The following GRAMD1A variants were observed in gnomAD, a reference collection of about 807,000 sequenced individuals.
The protein encoded by GRAMD1A is protein Aster-A.
A neutral mutation model predicts 92.0 loss-of-function variants in GRAMD1A; 50 were observed. The observed-to-expected ratio is 0.54, with a 90% confidence interval of 0.43 to 0.69. GRAMD1A has a LOEUF of 0.69. GRAMD1A is among the 30% of genes least tolerant of loss of function. The probability of loss-of-function intolerance (pLI) is 0.00; values close to 1 mark genes in which losing one functional copy is unlikely to be tolerated. For missense variants in GRAMD1A, 819 were observed against 978.9 expected, an observed-to-expected ratio of 0.84 and a Z score of 2.18; for synonymous variants, 405 against 403.6, an observed-to-expected ratio of 1.00 and a Z score of -0.04.
chr19:35,000,332 G>T lies in GRAMD1A; in HGVS notation c.-147G>T. 5 of 1,065,088 alleles carry T rather than the reference G, an allele frequency of 4.7e-6. No homozygotes were observed. The highest frequency in any genetic ancestry group is 5.7e-6 in the Non-Finnish European group (5 of 883,012). 66.0% of individuals were successfully genotyped at this position (1,065,088 alleles called of 1,614,324 possible). On this transcript the variant is annotated 5_prime_UTR_variant, in exon 1 of 20. Coordinates refer to ENST00000317991, the MANE Select transcript of GRAMD1A (RefSeq NM_020895.5). This position sits in a 1 kb window ranked among gnomAD's most constrained non-coding sequence, Gnocchi z 4.9. ...CTCCGGCGGCTCCGGCCTTTTGTGCGGGCGGTTGGGTCGGGTGGGGGCGGC... is the reference window on the plus strand; with the variant it reads ...CTCCGGCGGCTCCGGCCTTTTGTGCTGGCGGTTGGGTCGGGTGGGGGCGGC...
upstream of GRAMD1A, chr19:34,995,932 G>A: frequency 3.6e-6 from 4 of 1,122,764 alleles, no homozygotes; most frequent in South Asian, 1.6e-5. Flanking sequence ...GAGCCACGGG[G>A]GAAGGTGGTA....
chr19:35,012,623 C>G (rs1430915818), intron 7 of GRAMD1A, among the ~76,000 whole-genome samples: 1 of 152,246 alleles, frequency 6.6e-6, no homozygotes, highest in Non-Finnish European at 1.5e-5. Context: ...GAACACATGA[C>G]TTTCCCTACA....
chr19:35,011,907 C>T (rs568789803), intron 7 of GRAMD1A, among the ~76,000 whole-genome samples: 3 of 152,328 alleles, frequency 2.0e-5, no homozygotes, highest in African/African-American at 7.2e-5. Flanking sequence ...CCAGCCCCAT[C>T]CTCCGGCTGA....
rs374571401 is a variant in GRAMD1A at position 35,014,495 on chromosome 19, C to T, written c.1069+108C>T. 2.1e-4 allele frequency: 203 copies of T among 951,076 alleles called. No homozygotes were observed. The highest frequency in any genetic ancestry group is 9.3e-4 in the African/African-American group (57 of 61,414). The allele number at this position is 951,076 out of a possible 1,614,324, so 58.9% of individuals were successfully genotyped here. Reference sequence around the variant, plus strand: ...GCAGCACTGAGAATCCAGGGGCAGGCGGGATGGCGTTCAGGCGCTGTTGCT... The same window carrying T: ...GCAGCACTGAGAATCCAGGGGCAGGTGGGATGGCGTTCAGGCGCTGTTGCT... On this transcript the variant is annotated intron_variant, in intron 10 of 19. Transcript: ENST00000317991.
chr19:35,020,716 C>T (rs562879903), intron 13 of GRAMD1A, among the ~76,000 whole-genome samples: 65 of 147,730 alleles, frequency 4.4e-4, no homozygotes, highest in African/African-American at 1.5e-3. Flanking sequence ...GAAGACTTGA[C>T]TTTACCTGGA....
chr19:34,998,283 T>G (rs1478527393), upstream of GRAMD1A: 1 of 149,878 alleles, frequency 6.7e-6, no homozygotes, highest in African/African-American at 2.5e-5. Context: ...CATAGAGGAC[T>G]GTTATATTTT....
chr19:35,005,855 A>C (rs2014773762), intron 1 of GRAMD1A: 2 of 456,066 alleles, frequency 4.4e-6, no homozygotes, highest in Admixed American at 4.7e-5. Flanking sequence ...CAAAGTCCTG[A>C]AGGACAAATA....
chr19:35,014,365 C>T lies in GRAMD1A; in HGVS notation c.1047C>T (p.Ser349=). The T allele has an allele frequency of 6.2e-7, 1 of 1,614,148 alleles. No individual in the cohort carries two copies. Among genetic ancestry groups the T allele is most frequent in the Non-Finnish European group, 8.5e-7 (1 of 1,180,000 alleles). Reference sequence around the variant, plus strand: ...AGCTATTGACAGACACAAGTAACTCCTCTTCATCCACTGGGGAGGAAGGTG... The same window carrying T: ...AGCTATTGACAGACACAAGTAACTCTTCTTCATCCACTGGGGAGGAAGGTG... The part of the protein sequence containing the change: ...SEELLTDTSN[S]SSSTGEEADL... Residue 349 remains serine, a synonymous_variant, in exon 10 of 20, where the codon TCC becomes TCT. Coordinates refer to ENST00000317991, the MANE Select transcript of GRAMD1A (RefSeq NM_020895.5).
intron 11 of GRAMD1A, among the ~76,000 whole-genome samples, chr19:35,018,466 G>A (rs1245799004): frequency 1.3e-5 from 2 of 152,154 alleles, no homozygotes; most frequent in Non-Finnish European, 2.9e-5. Flanking sequence ...CTCTCACCAG[G>A]CCCTACCTCC....
At chr19:34,998,153 G>A (rs2014118182), upstream of GRAMD1A, 1 of 151,780 alleles carries the variant, frequency 6.6e-6, no homozygotes, top group South Asian at 2.1e-4. Flanking sequence ...GCACGGGAAG[G>A]GAAAGGAGGG....
rs757428168 is a variant in GRAMD1A at position 35,020,103 on chromosome 19, G to A, written c.1475+570G>A. 2.8e-4 allele frequency among the ~76,000 whole-genome samples: 43 copies of A among 152,166 alleles called. 1 individual carries two copies. The highest frequency in any genetic ancestry group is 2.8e-4 in the Non-Finnish European group (19 of 68,024). ...GAGTAGGAGCTGAGATTAAAGTGGT[G>A]AACCGGGGCCCGGCACAGTGGCTCA... On this transcript the variant is annotated intron_variant, in intron 13 of 19. Coordinates refer to ENST00000317991, the MANE Select transcript of GRAMD1A (RefSeq NM_020895.5).
intron 1 of GRAMD1A, among the ~76,000 whole-genome samples, chr19:35,007,835 T>A (rs1458443415): frequency 6.6e-6 from 1 of 152,038 alleles, no homozygotes; most frequent in East Asian, 1.9e-4. Flanking sequence ...ATTGTGCCAC[T>A]GCACTCCAGC....
chr19:35,004,266 C>T (rs1269429431), intron 1 of GRAMD1A, among the ~76,000 whole-genome samples: 1 of 151,994 alleles, frequency 6.6e-6, no homozygotes, highest in Non-Finnish European at 1.5e-5. Context: ...GCCTGGGTGA[C>T]AGAGTGTGAC....
At chr19:35,010,785 C>A (rs2015177563) in intron 6 of GRAMD1A, 1 of 464,724 alleles carries the variant, frequency 2.2e-6, no homozygotes, top group Non-Finnish European at 3.8e-6. Flanking sequence ...CAGCAGACTT[C>A]TCTTTGTGTT....
In GRAMD1A at chr19:35,004,503, A is replaced by G. The variant is rs7251455; in HGVS notation, c.8+4017A>G. The stretch of plus-strand genomic sequence containing the variant: ...GCAGCATTGCTTTATGGCGTTCACC[A>G]GTGTCTGAGGTCGCCATCCCTGCTC... On this transcript the variant is annotated intron_variant, in intron 1 of 19. Coordinates refer to ENST00000317991, the MANE Select transcript of GRAMD1A (RefSeq NM_020895.5). 4.2e-3 allele frequency among the ~76,000 whole-genome samples: 641 copies of G among 152,164 alleles called. 4 individuals carry two copies. Among genetic ancestry groups the G allele is most frequent in the African/African-American group, 0.014 (597 of 41,504 alleles).
At chr19:34,996,642 A>G (rs561563078), upstream of GRAMD1A, among the ~76,000 whole-genome samples, 3 of 152,234 alleles carry the variant, frequency 2.0e-5, no homozygotes, top group East Asian at 5.8e-4. Context: ...CCCCATCTTG[A>G]CTAAAAACAC....
intron 1 of GRAMD1A, chr19:35,005,901 C>T (rs1262194303): frequency 1.5e-5 from 7 of 456,156 alleles, no homozygotes; most frequent in Non-Finnish European, 3.1e-5. Flanking sequence ...ACGATCTGGA[C>T]AGACAGAATG....
intron 1 of GRAMD1A, among the ~76,000 whole-genome samples, chr19:35,003,359 G>A (rs540863640): frequency 4.6e-5 from 7 of 152,284 alleles, no homozygotes; most frequent in African/African-American, 1.7e-4. Context: ...TTGGAGGTCA[G>A]GTGTCTGCGG....
chr19:35,022,009 C>T lies in GRAMD1A; in HGVS notation c.1812C>T (p.Ile604=), dbSNP rs767511971. The change falls in exon 16 of 20, where the codon ATC becomes ATT. Residue 604 remains isoleucine, a synonymous_variant. Coordinates refer to ENST00000317991, the MANE Select transcript of GRAMD1A (RefSeq NM_020895.5). ...TGGACCAGGGCCCCGGGGCAGGCAT[C>T]CCCAGTGCCCTGGTTCTCATCAGCA... ...PSVDQGPGAG[I]PSALVLISIV... 3 of 1,613,672 alleles carry T rather than the reference C, an allele frequency of 1.9e-6. No homozygotes were observed. Among genetic ancestry groups the T allele is most frequent in the Admixed American group, 1.7e-5 (1 of 59,990 alleles).
Sources: gnomAD v4.1 joint callset for allele counts (sites outside exome capture counted in the v4.1 genomes callset) on GRCh38, gnomAD v4.1.1 for gene constraint, Gnocchi (gnomAD v3.1) non-coding constraint, MANE v1.5 for transcripts, NCBI Gene and HGNC (gene_info 2026-07-23, HGNC 2026-07-21) for gene names.